DCAF10: variants seen among roughly 807,000 people sequenced by gnomAD.
The protein encoded by DCAF10 is DDB1- and CUL4-associated factor 10.
DCAF10 carries 19 observed loss-of-function variants against 51.9 expected under a neutral mutation model. That is an observed-to-expected ratio of 0.37 (90% CI 0.26 to 0.54). The LOEUF (loss-of-function observed/expected upper bound fraction) is 0.54, where lower values mean the gene tolerates loss of function less well. Among genes scored for constraint, DCAF10 ranks in the 20% least tolerant of loss-of-function variants. The pLI is 0.87. For synonymous variants in DCAF10, 291 were observed against 297.1 expected (o/e 0.98, Z 0.21); for missense variants, 510 against 730.6 (o/e 0.70, Z 3.48).
At position 37,801,058 on chromosome 9, in the gene DCAF10, G is replaced by C; in HGVS notation, c.192G>C (p.Pro64=). 2 of 1,533,254 alleles carry C rather than the reference G, an allele frequency of 1.3e-6. No homozygotes were observed. The highest frequency in any genetic ancestry group is 1.7e-6 in the Non-Finnish European group (2 of 1,148,398). 95.0% of individuals were successfully genotyped at this position (1,533,254 alleles called of 1,614,324 possible). The part of the protein sequence containing the change: ...PRRPGAPSLS[P]APRSGELGLP... The stretch of plus-strand genomic sequence containing the variant: ...GCCCCGGCGCCCCATCGCTGTCCCC[G>C]GCCCCGCGCTCCGGAGAGCTAGGGC... Residue 64 remains proline, a synonymous_variant, in exon 1 of 7, where the codon CCG becomes CCC. Transcript: ENST00000377724. This position sits in a 1 kb window ranked among gnomAD's most constrained non-coding sequence, Gnocchi z 5.5.
At position 37,840,656 on chromosome 9, in the gene DCAF10, T is replaced by C. The variant is rs1830306867; in HGVS notation, c.654-1433T>C. 2.6e-5 allele frequency among the ~76,000 whole-genome samples: 4 copies of C among 152,206 alleles called. No individual in the cohort carries two copies. In the South Asian group the frequency reaches 8.3e-4, roughly 31 times the overall value. On this transcript the variant is annotated intron_variant, in intron 2 of 6. Coordinates refer to ENST00000377724, the MANE Select transcript of DCAF10 (RefSeq NM_024345.5). ...GTTATAGTAATCGAAGGTTAATTTA[T>C]TACTGATGAAAAATTTTTAAATTAA...
intron 1 of DCAF10, among the ~76,000 whole-genome samples, chr9:37,814,452 A>AT (rs901654892): frequency 1.1e-3 from 166 of 145,910 alleles, no homozygotes; most frequent in African/African-American, 3.3e-3. Context: ...CTGGCCTTCA[A>AT]TTTTTTTTTT....
At chr9:37,832,326 C>T (rs542456354) in intron 2 of DCAF10, among the ~76,000 whole-genome samples, 6 of 151,874 alleles carry the variant, frequency 4.0e-5, no homozygotes, top group Non-Finnish European at 8.8e-5. Flanking sequence ...GGCATGGTGG[C>T]GGGTGCCTGT....
intron 1 of DCAF10, among the ~76,000 whole-genome samples, chr9:37,814,080 CTA>C (rs58660288): frequency 0.036 from 1,684 of 46,904 alleles, 41 homozygotes; most frequent in Middle Eastern, 0.069. Flanking sequence ...CTATTTGTCA[CTA>C]TATATATATA....
chr9:37,812,435 G>A (rs1829376947), intron 1 of DCAF10, among the ~76,000 whole-genome samples: 1 of 152,062 alleles, frequency 6.6e-6, no homozygotes, highest in Admixed American at 6.6e-5. Context: ...AGAGAGCTAA[G>A]TTCACTGCAG....
At chr9:37,849,961 A>G (rs1474070013) in intron 3 of DCAF10, among the ~76,000 whole-genome samples, 4 of 152,136 alleles carry the variant, frequency 2.6e-5, no homozygotes, top group African/African-American at 9.7e-5. Context: ...CAAGAGGGCG[A>G]GACAGGAGGA....
intron 2 of DCAF10, among the ~76,000 whole-genome samples, chr9:37,826,501 C>T (rs1321738258): frequency 6.6e-6 from 1 of 152,102 alleles, no homozygotes; most frequent in East Asian, 1.9e-4. Flanking sequence ...AGTTATGCTG[C>T]TTAGTATATA....
chr9:37,852,962 ATAT>A (rs1564050419), intron 3 of DCAF10, among the ~76,000 whole-genome samples: 6 of 88,302 alleles, frequency 6.8e-5, no homozygotes, highest in Non-Finnish European at 9.9e-5. Context: ...ATATATATAT[ATAT>A]AAATTAGCTT....
intron 5 of DCAF10, chr9:37,858,396 G>T (rs1830913839): frequency 6.6e-6 from 1 of 152,046 alleles, no homozygotes; most frequent in African/African-American, 2.4e-5. Context: ...TTGTGCTATG[G>T]GAAACAAGTC....
chr9:37,831,850 G>C, intron 2 of DCAF10, among the ~76,000 whole-genome samples: 1 of 152,146 alleles, frequency 6.6e-6, no homozygotes. Flanking sequence ...TCGGGAGGCT[G>C]AGGCAGAGAA....
intron 2 of DCAF10, among the ~76,000 whole-genome samples, chr9:37,833,959 T>A (rs571596075): frequency 6.6e-6 from 1 of 152,030 alleles, no homozygotes; most frequent in Non-Finnish European, 1.5e-5. Context: ...AATACCAAAG[T>A]TTTTTTTGTT....
chr9:37,817,979 A>G (rs1486109597), intron 1 of DCAF10, among the ~76,000 whole-genome samples: 1 of 152,092 alleles, frequency 6.6e-6, no homozygotes, highest in South Asian at 2.1e-4. Flanking sequence ...ATGATTAGTA[A>G]ATAAAGAAAA....
intron 3 of DCAF10, among the ~76,000 whole-genome samples, chr9:37,850,746 G>C (rs1365915070): frequency 6.8e-6 from 1 of 146,188 alleles, no homozygotes; most frequent in Non-Finnish European, 1.5e-5. Context: ...ATTTACTGTT[G>C]TTATTATATA....
At position 37,800,826 on chromosome 9, in the gene DCAF10, G is replaced by T; in HGVS notation, c.-41G>T. 1 of 1,490,598 alleles carries T rather than the reference G, an allele frequency of 6.7e-7. No individual in the cohort carries two copies. 92.3% of individuals were successfully genotyped at this position (1,490,598 alleles called of 1,614,324 possible). A position where few individuals can be genotyped will look rare whatever the true frequency, so the allele number is the denominator to read the frequency against. On this transcript the variant is annotated 5_prime_UTR_variant, in exon 1 of 7. Transcript: ENST00000377724. ...GAACAGGGGCACTGAGGTGTCGGCC[G>T]GCGGGGCAGTGGCCCGGAGCGGGGG...
Position 37,827,240 on chromosome 9 carries a change from T to C in DCAF10, c.653+7839T>C, listed in dbSNP as rs141922946. 5.4e-3 allele frequency among the ~76,000 whole-genome samples: 819 copies of C among 152,154 alleles called. 7 individuals are homozygous for C. Among genetic ancestry groups the C allele is most frequent in the South Asian group, 0.023 (112 of 4,822 alleles). On this transcript the variant is annotated intron_variant, in intron 2 of 6. Transcript: ENST00000377724. The stretch of plus-strand genomic sequence containing the variant: ...AATGAAAGTTGGAGGTGGGGATAAA[T>C]GGAAACAAATGCTTAGACAACAAAG...
intron 3 of DCAF10, among the ~76,000 whole-genome samples, chr9:37,844,547 A>C (rs1245506616): frequency 6.6e-6 from 1 of 152,214 alleles, no homozygotes; most frequent in Non-Finnish European, 1.5e-5. Context: ...GCTACTTGGG[A>C]GGCTGAGGCA....
chr9:37,801,413 C>T lies in DCAF10; in HGVS notation c.539+8C>T, dbSNP rs1370161019. The T allele has an allele frequency of 6.9e-6, 10 of 1,458,086 alleles. No individual in the cohort carries two copies. Among genetic ancestry groups the T allele is most frequent in the African/African-American group, 1.5e-5 (1 of 67,966 alleles). 90.3% of individuals were successfully genotyped at this position (1,458,086 alleles called of 1,614,324 possible). A position where few individuals can be genotyped will look rare whatever the true frequency, so the allele number is the denominator to read the frequency against. ...CGAGTACTCGCCCGACGGGTAAGCG[C>T]GGCCCCTCGGAGGGCGGGCGCCCGC... On this transcript the variant is annotated splice_region_variant and intron_variant, in intron 1 of 6. Transcript: ENST00000377724. The surrounding 1 kb of genome is among the most constrained non-coding windows in gnomAD (Gnocchi z 5.5).
At chr9:37,804,519 G>A (rs535633008) in intron 1 of DCAF10, among the ~76,000 whole-genome samples, 83 of 152,298 alleles carry the variant, frequency 5.4e-4, no homozygotes, top group African/African-American at 1.9e-3. Flanking sequence ...GCTCACGCCT[G>A]TAATCCCAGC....
At position 37,816,746 on chromosome 9, in the gene DCAF10, AT is replaced by A. The variant is rs1289984237; in HGVS notation, c.540-2539del. 5.3e-5 allele frequency among the ~76,000 whole-genome samples: 8 copies of A among 152,078 alleles called. No individual in the cohort carries two copies. In the South Asian group the frequency reaches 1.5e-3, roughly 28 times the overall value. ...GTATAAGGATGGTCAAAGATCCAAG[AT>A]TTACTCAGATACTCTAAGAAAATCT... On this transcript the variant is annotated intron_variant, in intron 1 of 6. Coordinates refer to ENST00000377724, the MANE Select transcript of DCAF10 (RefSeq NM_024345.5).
Sources: gnomAD v4.1 joint callset for allele counts (sites outside exome capture counted in the v4.1 genomes callset) on GRCh38, gnomAD v4.1.1 for gene constraint, Gnocchi (gnomAD v3.1) non-coding constraint, MANE v1.5 for transcripts, NCBI Gene and HGNC (gene_info 2026-07-23, HGNC 2026-07-21) for gene names.